Variants in TSGA13 observed in about 807,000 individuals in gnomAD.
TSGA13 encodes testis specific 13, also known as testis-specific gene 13 protein.
In TSGA13, 37 loss-of-function variants were observed where a neutral mutation model predicts 35.1. The ratio of observed to expected loss-of-function variants is 1.05; its 90% CI spans 0.81 to 1.39. TSGA13 has a LOEUF of 1.39. Among genes scored for constraint, TSGA13 ranks in the 40% most tolerant of loss-of-function variants. The probability of loss-of-function intolerance (pLI) is 0.00; values close to 1 mark genes in which losing one functional copy is unlikely to be tolerated. For synonymous variants in TSGA13, 124 were observed against 121.2 expected (o/e 1.02, Z -0.15); for missense variants, 338 against 328.5 (o/e 1.03, Z -0.22).
chr7:130,682,848 T>C (rs1554465306), intron 3 of TSGA13, among the ~76,000 whole-genome samples: 1 of 152,158 alleles, frequency 6.6e-6, no homozygotes, highest in East Asian at 1.9e-4. Flanking sequence ...AACTATGAGA[T>C]GGTGGGATGG....
chr7:130,685,455 T>A, intron 1 of TSGA13, 95 bp from the exon 2 acceptor site: 1 of 1,193,818 alleles, frequency 8.4e-7, no homozygotes, highest in Non-Finnish European at 1.1e-6. Flanking sequence ...TTAAATTTAT[T>A]TCACAAACGG....
rs1337594885 is a variant in TSGA13, at chr7:130,668,755, C to G, written c.*259G>C. 20 of 1,448,234 alleles carry G rather than the reference C, an allele frequency of 1.4e-5. No homozygotes were observed. The highest frequency in any genetic ancestry group is 1.8e-5 in the Non-Finnish European group (20 of 1,083,700). The allele number at this position is 1,448,234 out of a possible 1,614,324, so 89.7% of individuals were successfully genotyped here. ...CGGAAGAGGCTGCAGGAAGGCCGGC[C>G]CCGCGCTCTCACGCCGGTTGGGCCG... On this transcript the variant is annotated 3_prime_UTR_variant, in exon 8 of 8. Transcript: ENST00000356588.
At chr7:130,678,883 C>G (rs942918542) in intron 5 of TSGA13, among the ~76,000 whole-genome samples, 1 of 152,060 alleles carries the variant, frequency 6.6e-6, no homozygotes, top group Non-Finnish European at 1.5e-5. Flanking sequence ...AAAGTTTAGT[C>G]GGGCATGGTG....
intron 6 of TSGA13, among the ~76,000 whole-genome samples, chr7:130,672,349 C>G (rs1236226525): frequency 6.6e-6 from 1 of 152,234 alleles, no homozygotes; most frequent in Admixed American, 6.5e-5. Context: ...CTTCTGTCCT[C>G]TCTAAACTAC....
chr7:130,679,025 TCAAA>T, intron 5 of TSGA13, 126 bp downstream of exon 5: 10 of 771,722 alleles, frequency 1.3e-5, no homozygotes, highest in South Asian at 3.6e-5. Context: ...AGACCCTATC[TCAAA>T]CAAACAAACA....
At chr7:130,684,270 A>C (rs1054022039) in intron 2 of TSGA13, among the ~76,000 whole-genome samples, 1 of 152,198 alleles carries the variant, frequency 6.6e-6, no homozygotes, top group Non-Finnish European at 1.5e-5. Flanking sequence ...AATAATCAAC[A>C]ATGGCAAATA....
At position 130,685,349 on chromosome 7, in the gene TSGA13, C is replaced by T; in HGVS notation, c.-139G>A. 1 of 1,487,800 alleles carries T rather than the reference C, an allele frequency of 6.7e-7. No individual in the cohort carries two copies. The highest frequency in any genetic ancestry group is 9.1e-7 in the Non-Finnish European group (1 of 1,102,430). The allele number at this position is 1,487,800 out of a possible 1,614,324, so 92.2% of individuals were successfully genotyped here. A position where few individuals can be genotyped will look rare whatever the true frequency, so the allele number is the denominator to read the frequency against. ...TTAGCACACAGTGTGTACTCATGCC[C>T]CATTCTTGAGCCTGTATGGGAAACA... On this transcript the variant is annotated 5_prime_UTR_variant, in exon 2 of 8. Transcript: ENST00000356588.
chr7:130,687,229 T>C (rs1796676841), upstream of TSGA13: 1 of 152,230 alleles, frequency 6.6e-6, no homozygotes, highest in South Asian at 2.1e-4. Context: ...AAAGAGAAGA[T>C]TTTCTAGATT....
At chr7:130,670,488 A>G (rs1036422220) in intron 7 of TSGA13, among the ~76,000 whole-genome samples, 2 of 152,332 alleles carry the variant, frequency 1.3e-5, no homozygotes, top group East Asian at 3.9e-4. Context: ...CACCAATTAT[A>G]TATATCTAAT....
chr7:130,678,945 T>A (rs1796473317), intron 5 of TSGA13, among the ~76,000 whole-genome samples: 1 of 152,188 alleles, frequency 6.6e-6, no homozygotes, highest in Non-Finnish European at 1.5e-5. Context: ...GAAGATTGTT[T>A]GAGCCCAAGA....
In TSGA13 at chr7:130,685,360, C is replaced by A. The variant is rs1413254075; in HGVS notation, c.-150G>T. The A allele has an allele frequency of 2.1e-6, 3 of 1,446,568 alleles. No homozygotes were observed. The highest frequency in any genetic ancestry group is 2.8e-5 in the African/African-American group (2 of 71,340). 89.6% of individuals were successfully genotyped at this position (1,446,568 alleles called of 1,614,324 possible). A position where few individuals can be genotyped will look rare whatever the true frequency, so the allele number is the denominator to read the frequency against. On this transcript the variant is annotated splice_region_variant and 5_prime_UTR_variant, in exon 2 of 8. Transcript: ENST00000356588. ...TGTGTACTCATGCCCCATTCTTGAG[C>A]CTGTATGGGAAACAAGAAAAGACTG...
At position 130,683,674 on chromosome 7, in the gene TSGA13, T is replaced by C; in HGVS notation, c.24-2A>G. 1 of 1,613,566 alleles carries C rather than the reference T, an allele frequency of 6.2e-7. No individual in the cohort carries two copies. Among genetic ancestry groups the C allele is most frequent in the South Asian group, 1.1e-5 (1 of 91,026 alleles). On this transcript the variant is annotated splice_acceptor_variant, in intron 2 of 7. Coordinates refer to ENST00000356588, the MANE Select transcript of TSGA13 (RefSeq NM_052933.4). LOFTEE classifies it high-confidence loss of function. Reference sequence around the variant, plus strand: ...GTCTTTGATTTGCCATTTTGAAACCTGAAAAAGAGGCAGAACATCCGGTTG... The same window carrying C: ...GTCTTTGATTTGCCATTTTGAAACCCGAAAAAGAGGCAGAACATCCGGTTG...
At chr7:130,674,167 T>TC (rs1796353168) in intron 5 of TSGA13, among the ~76,000 whole-genome samples, 1 of 122,710 alleles carries the variant, frequency 8.1e-6, no homozygotes, top group South Asian at 2.8e-4. Flanking sequence ...TTTTCTTTTT[T>TC]TCTTTTTTTT....
intron 6 of TSGA13, among the ~76,000 whole-genome samples, 171 bp downstream of exon 6, chr7:130,672,563 G>A (rs529001857): frequency 2.6e-4 from 39 of 151,736 alleles, no homozygotes; most frequent in Non-Finnish European, 5.2e-4. Flanking sequence ...TTGCATGACT[G>A]TTTCTCTTTG....
intron 3 of TSGA13, 77 bp downstream of exon 3, chr7:130,683,517 G>T: frequency 2.2e-6 from 3 of 1,365,750 alleles, no homozygotes; most frequent in South Asian, 1.4e-5. Context: ...AGGGAAGTTT[G>T]TGATATCCAG....
In TSGA13 at chr7:130,669,084, G is replaced by A; in HGVS notation, c.758C>T (p.Pro253Leu). 6.2e-7 allele frequency: 1 copy of A among 1,614,224 alleles called. No homozygotes were observed. The highest frequency in any genetic ancestry group is 1.6e-4 in the Middle Eastern group (1 of 6,062). Reference protein sequence around the residue: ...LLEDMPTRTAPGESAFRNGRA... With the variant: ...LLEDMPTRTALGESAFRNGRA... ...CCCGTTGCGGAAGGCGCTCTCCCCG[G>A]GCGCGGTTCTGGTGGGCATGTCTTC... Residue 253 changes from proline to leucine, a missense_variant, in exon 8 of 8, where the codon CCC (proline) becomes CTC (leucine). By Grantham distance (98) the Pro-to-Leu change is moderately conservative. Transcript: ENST00000356588.
intron 6 of TSGA13, among the ~76,000 whole-genome samples, chr7:130,672,216 A>G (rs1344895220): frequency 6.6e-6 from 1 of 152,128 alleles, no homozygotes; most frequent in Non-Finnish European, 1.5e-5. Flanking sequence ...AGTTGGCTAC[A>G]TTCTCAGAGA....
At position 130,677,030 on chromosome 7, in the gene TSGA13, G is replaced by A. The variant is rs548386716; in HGVS notation, c.387+2125C>T. Among the ~76,000 whole-genome samples the A allele has an allele frequency of 2.6e-5, 4 of 151,520 alleles. No homozygotes were observed. The East Asian group carries it at 7.8e-4, about 30-fold the overall frequency. On this transcript the variant is annotated intron_variant, in intron 5 of 7. Coordinates refer to ENST00000356588, the MANE Select transcript of TSGA13 (RefSeq NM_052933.4). The stretch of plus-strand genomic sequence containing the variant: ...GCCTCAGCCTCCGGAGTAGCTGGGA[G>A]TACAGGCGCCCGCTACCACGCCCGG...
chr7:130,685,237 CA>C lies in TSGA13; in HGVS notation c.-28del, dbSNP rs1436042072. 6.2e-7 allele frequency: 1 copy of C among 1,612,424 alleles called. No individual in the cohort carries two copies. Among genetic ancestry groups the C allele is most frequent in the Non-Finnish European group, 8.5e-7 (1 of 1,178,662 alleles). On this transcript the variant is annotated 5_prime_UTR_variant, in exon 2 of 8. Transcript: ENST00000356588. ...GCTGTTGACTGCTAGTTGGCCAACC[CA>C]AGGCAGGTATTCACCCAAGGCCAAA...
Sources: gnomAD v4.1 joint callset for allele counts (sites outside exome capture counted in the v4.1 genomes callset) on GRCh38, gnomAD v4.1.1 for gene constraint, MANE v1.5 for transcripts, NCBI Gene and HGNC (gene_info 2026-07-23, HGNC 2026-07-21) for gene names.